Variants in FGF14 observed in about 807,000 individuals in gnomAD.
The protein encoded by FGF14 is fibroblast growth factor homologous factor 4.
A neutral mutation model predicts 25.5 loss-of-function variants in FGF14; 5 were observed. The observed-to-expected ratio is 0.20, with a 90% CI of 0.10 to 0.41. FGF14 has a LOEUF of 0.41. FGF14 is among the 10% of genes least tolerant of loss of function. The pLI is 1.00. For synonymous variants in FGF14, 138 were observed against 118.3 expected (o/e 1.17, Z -1.08); for missense variants, 222 against 320.1 (o/e 0.69, Z 2.34).
At chr13:101,918,056 A>G (rs1012997790), upstream of FGF14, among the ~76,000 whole-genome samples, 3 of 152,120 alleles carry the variant, frequency 2.0e-5, no homozygotes, top group African/African-American at 7.2e-5. Context: ...GAGCAAAGCC[A>G]TCTGAACTGT....
At chr13:101,743,385 A>G (rs2036677815) in intron 3 of FGF14, among the ~76,000 whole-genome samples, 1 of 152,166 alleles carries the variant, frequency 6.6e-6, no homozygotes, top group Non-Finnish European at 1.5e-5. Context: ...ATGGGAACAT[A>G]AGCTTGTTGT....
At chr13:102,031,948 G>A (rs1259980567) in intron 1 of FGF14, among the ~76,000 whole-genome samples, 4 of 151,942 alleles carry the variant, frequency 2.6e-5, no homozygotes, top group South Asian at 2.1e-4. Flanking sequence ...ATTCATTGCC[G>A]TACTTTTCTA....
chr13:102,386,590 T>C (rs1219262922), intron 1 of FGF14, among the ~76,000 whole-genome samples: 2 of 152,212 alleles, frequency 1.3e-5, no homozygotes, highest in Non-Finnish European at 2.9e-5. Flanking sequence ...AATGCCTCCT[T>C]CTGCTTTCAA....
intron 1 of FGF14, among the ~76,000 whole-genome samples, chr13:102,155,433 A>G (rs1037827216): frequency 3.9e-5 from 6 of 152,254 alleles, no homozygotes; most frequent in Non-Finnish European, 7.3e-5. Flanking sequence ...AACGAAATGA[A>G]GGCAGAAATA....
At chr13:101,753,583 TC>T (rs2037444915) in intron 3 of FGF14, among the ~76,000 whole-genome samples, 1 of 152,128 alleles carries the variant, frequency 6.6e-6, no homozygotes, top group Non-Finnish European at 1.5e-5. Context: ...GGCAGGCGCA[TC>T]ACCTGAGGTC....
intron 1 of FGF14, among the ~76,000 whole-genome samples, chr13:102,363,462 G>A (rs2057622621): frequency 6.6e-6 from 1 of 152,190 alleles, no homozygotes; most frequent in Non-Finnish European, 1.5e-5. Context: ...GATGAGATAA[G>A]AAGTATTAAG....
chr13:102,287,891 G>GC (rs2054185151), intron 1 of FGF14, among the ~76,000 whole-genome samples: 1 of 152,156 alleles, frequency 6.6e-6, no homozygotes, highest in Admixed American at 6.5e-5. Context: ...AACATCAGAT[G>GC]CAGTGCCTGG....
At chr13:102,086,479 G>C (rs1000417631) in intron 1 of FGF14, among the ~76,000 whole-genome samples, 2 of 152,008 alleles carry the variant, frequency 1.3e-5, no homozygotes, top group African/African-American at 2.4e-5. Context: ...GCAGTGAGCC[G>C]AGATCGAGCC....
At chr13:102,172,812 T>C (rs950263203) in intron 1 of FGF14, among the ~76,000 whole-genome samples, 1 of 152,164 alleles carries the variant, frequency 6.6e-6, no homozygotes, top group African/African-American at 2.4e-5. Flanking sequence ...CTTGCTAATA[T>C]GGGACAGAAT....
chr13:102,183,632 T>A (rs1246171284), intron 1 of FGF14, among the ~76,000 whole-genome samples: 1 of 152,180 alleles, frequency 6.6e-6, no homozygotes, highest in Non-Finnish European at 1.5e-5. Flanking sequence ...GAAGGTGCAC[T>A]TAACCTTTGC....
intron 1 of FGF14, among the ~76,000 whole-genome samples, chr13:102,177,379 T>A (rs1365463001): frequency 6.6e-6 from 1 of 152,144 alleles, no homozygotes; most frequent in Non-Finnish European, 1.5e-5. Context: ...TCAGCCCTAG[T>A]GTCCTTTAAA....
intron 1 of FGF14, among the ~76,000 whole-genome samples, chr13:102,132,571 AG>A (rs1341630935): frequency 2.0e-5 from 3 of 149,204 alleles, no homozygotes; most frequent in African/African-American, 7.4e-5. Context: ...GCATGATCTC[AG>A]CTCACTGCAA....
chr13:102,182,782 T>A (rs980938464), intron 1 of FGF14, among the ~76,000 whole-genome samples: 1 of 152,202 alleles, frequency 6.6e-6, no homozygotes, highest in African/African-American at 2.4e-5. Context: ...CAATGGTTTA[T>A]TGAAGTTCAG....
At chr13:102,147,774 G>T (rs951700204) in intron 1 of FGF14, among the ~76,000 whole-genome samples, 1 of 152,200 alleles carries the variant, frequency 6.6e-6, no homozygotes, top group Admixed American at 6.5e-5. Context: ...AGCTGAACTT[G>T]AGTTAATTTA....
At chr13:101,831,788 G>T (rs1025082359) in intron 3 of FGF14, among the ~76,000 whole-genome samples, 2 of 152,016 alleles carry the variant, frequency 1.3e-5, no homozygotes, top group Non-Finnish European at 2.9e-5. Context: ...AATGCATTCT[G>T]CTGTCAAGCT....
At chr13:102,353,330 T>C (rs1374276375) in intron 1 of FGF14, among the ~76,000 whole-genome samples, 1 of 152,190 alleles carries the variant, frequency 6.6e-6, no homozygotes, top group Non-Finnish European at 1.5e-5. Flanking sequence ...GTGTATCATT[T>C]CTTGTCTTCT....
In FGF14 at chr13:101,722,932, C is replaced by G. The variant is rs368373092; in HGVS notation, c.643G>C (p.Gly215Arg). 7.4e-6 allele frequency: 12 copies of G among 1,613,154 alleles called. No homozygotes were observed. The African/African-American group carries it at 1.6e-4, about 22-fold the overall frequency. Residue 215 changes from glycine (G) to arginine (R), a missense_variant, in exon 5 of 5, where the codon GGG (glycine) becomes CGG (arginine). Coordinates refer to ENST00000376143, the MANE Select transcript of FGF14 (RefSeq NM_004115.4). ...ACCCCAGGCTTCGGGACCGTTTCCC[C>G]AACATCATGCAAAGATGGTTCTCGG... The part of the protein sequence containing the change: ...MYREPSLHDV[G>R]ETVPKPGVTP...
At chr13:101,797,773 G>GTGTGTGTGCA (rs1566914268) in intron 3 of FGF14, among the ~76,000 whole-genome samples, 2 of 128,104 alleles carry the variant, frequency 1.6e-5, no homozygotes, top group Non-Finnish European at 3.4e-5. Context: ...GTGTGTGTGT[G>GTGTGTGTGCA]TGTGTGTGTT....
intron 1 of FGF14, among the ~76,000 whole-genome samples, chr13:101,928,603 T>G (rs2034534862): frequency 6.6e-6 from 1 of 152,144 alleles, no homozygotes; most frequent in Non-Finnish European, 1.5e-5. Flanking sequence ...GAACAAGAAG[T>G]AGCCTTAGAG....
Sources: allele counts gnomAD v4.1 joint callset (sites outside exome capture counted in the v4.1 genomes callset), GRCh38; gene constraint gnomAD v4.1.1; transcripts MANE v1.5; gene names NCBI Gene and HGNC (gene_info 2026-07-23, HGNC 2026-07-21).